The following ARFGEF2 variants were observed in gnomAD, a reference collection of about 807,000 sequenced individuals.
ARFGEF2 encodes the protein brefeldin A-inhibited guanine nucleotide-exchange protein 2.
ARFGEF2 carries 74 observed loss-of-function variants against 219.9 expected under a neutral mutation model. That is an observed-to-expected ratio of 0.34 (90% CI 0.28 to 0.41). ARFGEF2 has a LOEUF of 0.41. Among genes scored for constraint, ARFGEF2 ranks in the 10% least tolerant of loss-of-function variants. ARFGEF2 has a pLI of 1.00. For missense variants in ARFGEF2, 1,743 were observed against 2,218.3 expected, an observed-to-expected ratio of 0.79 and a Z score of 4.30; for synonymous variants, 733 against 799.2, an observed-to-expected ratio of 0.92 and a Z score of 1.40.
At chr20:48,930,113 A>G (rs997620911) in intron 1 of ARFGEF2, among the ~76,000 whole-genome samples, 1 of 152,218 alleles carries the variant, frequency 6.6e-6, no homozygotes, top group African/African-American at 2.4e-5. Context: ...GCGATTTATA[A>G]AGAACAGAAG....
chr20:49,011,984 G>A lies in ARFGEF2; in HGVS notation c.3818G>A (p.Cys1273Tyr), dbSNP rs746043194. Residue 1273 changes from cysteine to tyrosine, a missense_variant, in exon 28 of 39, where the codon TGC becomes TAC. Coordinates refer to ENST00000371917, the MANE Select transcript of ARFGEF2 (RefSeq NM_006420.3). ...GATTCCTTTCAGGATGCTGTGAAGT[G>A]CTTATCAGAGTTCGCCTGCAACGCC... ...AIDSFQDAVKCLSEFACNAAF... is the reference protein window; with the variant it reads ...AIDSFQDAVKYLSEFACNAAF... The A allele has an allele frequency of 1.2e-6, 2 of 1,614,198 alleles. No homozygotes were observed. The highest frequency in any genetic ancestry group is 1.7e-6 in the Non-Finnish European group (2 of 1,180,044).
chr20:48,932,834 A>G (rs1200539244), intron 1 of ARFGEF2, among the ~76,000 whole-genome samples: 1 of 152,026 alleles, frequency 6.6e-6, no homozygotes, highest in African/African-American at 2.4e-5. Flanking sequence ...GTGGAGGAGG[A>G]TGTGGTAGGT....
chr20:49,010,292 G>A lies in ARFGEF2; in HGVS notation c.3645G>A (p.Ala1215=), dbSNP rs755449931. 5.6e-6 allele frequency: 9 copies of A among 1,613,988 alleles called. No homozygotes were observed. Among genetic ancestry groups the A allele is most frequent in the Admixed American group, 3.3e-5 (2 of 59,992 alleles). The change falls in exon 27 of 39, where the codon GCG becomes GCA. Residue 1215 remains alanine (A), a synonymous_variant. Coordinates refer to ENST00000371917, the MANE Select transcript of ARFGEF2 (RefSeq NM_006420.3). ...TTGCCCAGATGGTGAACTCCCAGGC[G>A]GCCAACATCCGCTCAGGTTGGAAGA... ...RCIAQMVNSQ[A]ANIRSGWKNI... is the part of the protein sequence containing the mutation.
chr20:48,973,880 A>G (rs374284200), intron 12 of ARFGEF2, among the ~76,000 whole-genome samples: 114 of 152,280 alleles, frequency 7.5e-4, no homozygotes, highest in African/African-American at 2.7e-3. Context: ...TGAATCTAAA[A>G]TATTTGCAAT....
Position 48,966,032 on chromosome 20 carries a change from G to T in ARFGEF2, c.1059+9G>T. ...CGTCAGCAGATAATCTGGTATGTTG[G>T]TGATCATCCTCTGTGGACTTATTGC... is the stretch of plus-strand genomic sequence containing the variant. On this transcript the variant is annotated intron_variant, in intron 8 of 38. Transcript: ENST00000371917. 6 of 1,613,956 alleles carry T rather than the reference G, an allele frequency of 3.7e-6. No individual in the cohort carries two copies. The highest frequency in any genetic ancestry group is 5.1e-6 in the Non-Finnish European group (6 of 1,179,872).
chr20:49,010,516 A>G (rs2123516928), intron 27 of ARFGEF2, 112 bp downstream of exon 27: 1 of 1,243,880 alleles, frequency 8.0e-7, no homozygotes, highest in Non-Finnish European at 1.2e-6. Context: ...CTCTACTGTG[A>G]TATAGTAATG....
chr20:48,996,730 G>A (rs1324481474), intron 23 of ARFGEF2, among the ~76,000 whole-genome samples: 11 of 135,570 alleles, frequency 8.1e-5, no homozygotes, highest in South Asian at 2.5e-4. Flanking sequence ...GCAACAGAAC[G>A]AGACTCCGTC....
intron 35 of ARFGEF2, among the ~76,000 whole-genome samples, chr20:49,024,776 G>C (rs1333919697): frequency 6.6e-6 from 1 of 152,078 alleles, no homozygotes; most frequent in Non-Finnish European, 1.5e-5. Flanking sequence ...GAGGCAGGCG[G>C]ATCACGAGGT....
intron 27 of ARFGEF2, 41 bp downstream of exon 27, chr20:49,010,445 A>C: frequency 6.2e-7 from 1 of 1,607,944 alleles, no homozygotes; most frequent in Non-Finnish European, 8.5e-7. Context: ...TCCCACCTGC[A>C]AGTCTAGAAG....
intron 2 of ARFGEF2, 145 bp downstream of exon 2, chr20:48,941,374 G>C: frequency 1.2e-6 from 1 of 828,746 alleles, no homozygotes; most frequent in Non-Finnish European, 2.0e-6. Flanking sequence ...TAGGCACACG[G>C]CACAACTCTG....
intron 36 of ARFGEF2, among the ~76,000 whole-genome samples, chr20:49,028,107 A>G (rs2091613727): frequency 6.6e-6 from 1 of 152,104 alleles, no homozygotes; most frequent in African/African-American, 2.4e-5. Flanking sequence ...AAAATACAAA[A>G]ATTAGCCCGG....
At chr20:48,934,924 C>T (rs564859135) in intron 1 of ARFGEF2, among the ~76,000 whole-genome samples, 2 of 152,222 alleles carry the variant, frequency 1.3e-5, no homozygotes, top group East Asian at 1.9e-4. Context: ...CTTGAGGAAT[C>T]GCCACACTGT....
At position 48,974,802 on chromosome 20, in the gene ARFGEF2, G is replaced by T; in HGVS notation, c.1702G>T (p.Val568Leu). 1 of 1,613,886 alleles carries T rather than the reference G, an allele frequency of 6.2e-7. No homozygotes were observed. The highest frequency in any genetic ancestry group is 1.1e-5 in the South Asian group (1 of 91,022). The part of the protein sequence containing the change: ...SLRKKGLECL[V>L]SILKCMVEWS... The stretch of plus-strand genomic sequence containing the variant: ...GAGGAAGAAAGGCCTGGAGTGCCTC[G>T]TGTCCATTCTCAAGTGCATGGTGGA... The change falls in exon 13 of 39, where the codon GTG becomes TTG. Residue 568 changes from valine to leucine, a missense_variant. Val to Leu is a conservative substitution (Grantham distance 32, BLOSUM62 1). This residue lies in a region of ARFGEF2 where 666 missense variants were observed against 955.4 expected (regional missense o/e 0.70). Coordinates refer to ENST00000371917, the MANE Select transcript of ARFGEF2 (RefSeq NM_006420.3).
chr20:48,984,686 A>G (rs1367838391), intron 14 of ARFGEF2, 43 bp from the exon 15 acceptor site: 1 of 1,613,384 alleles, frequency 6.2e-7, no homozygotes, highest in South Asian at 1.1e-5. Context: ...TATCCTCCAG[A>G]TTTTGAAATA....
chr20:49,015,065 T>G (rs1340489810), intron 30 of ARFGEF2, among the ~76,000 whole-genome samples: 1 of 152,230 alleles, frequency 6.6e-6, no homozygotes, highest in Non-Finnish European at 1.5e-5. Context: ...ATGAGTATTT[T>G]TTCGTAGCCA....
intron 9 of ARFGEF2, 138 bp downstream of exon 9, chr20:48,969,415 A>T (rs1397254276): frequency 6.7e-7 from 1 of 1,489,596 alleles, no homozygotes; most frequent in East Asian, 2.3e-5. Flanking sequence ...CGGTTTTACA[A>T]CTTTTCAGAC....
chr20:48,995,656 C>T, intron 22 of ARFGEF2, 127 bp from the exon 23 acceptor site: 2 of 857,606 alleles, frequency 2.3e-6, no homozygotes, highest in Admixed American at 2.0e-5. Context: ...GTTTTTGTTT[C>T]TTTTTTGAAC....
intron 1 of ARFGEF2, among the ~76,000 whole-genome samples, chr20:48,931,369 T>C (rs995984286): frequency 1.3e-5 from 2 of 152,170 alleles, no homozygotes; most frequent in African/African-American, 2.4e-5. Flanking sequence ...TGCCACTCTG[T>C]GCTGAAGAAT....
chr20:49,012,032 A>G lies in ARFGEF2; in HGVS notation c.3866A>G (p.Glu1289Gly). ...CNAAFPDTSM[E>G]AIRLIRFCGK... ...GCCGCTTTCCCTGACACGAGCATGG[A>G]AGCGATTCGGCTCATCCGCTTCTGT... is the stretch of plus-strand genomic sequence containing the variant. Residue 1289 changes from glutamate to glycine, a missense_variant, in exon 28 of 39, where the codon GAA (glutamate) becomes GGA (glycine). Around this residue, in one of 5 missense-constraint regions of ARFGEF2, gnomAD observed 578 missense variants for 664.0 expected, o/e 0.87. Transcript: ENST00000371917. 6.2e-7 allele frequency: 1 copy of G among 1,614,256 alleles called. No individual in the cohort carries two copies. The highest frequency in any genetic ancestry group is 1.3e-5 in the African/African-American group (1 of 75,068).
Sources: gnomAD v4.1 joint callset for allele counts (sites outside exome capture counted in the v4.1 genomes callset) on GRCh38, gnomAD v4.1.1 for gene constraint, gnomAD v4.1.1 regional missense constraint, MANE v1.5 for transcripts, NCBI Gene and HGNC (gene_info 2026-07-23, HGNC 2026-07-21) for gene names.